Variants in TAFA1 observed in about 807,000 individuals in gnomAD.
The protein encoded by TAFA1 is TAFA chemokine like family member 1.
A neutral mutation model predicts 18.5 loss-of-function variants in TAFA1; 4 were observed. That is an observed-to-expected ratio of 0.22 (90% CI 0.11 to 0.49). The LOEUF (loss-of-function observed/expected upper bound fraction) is 0.49, where lower values mean the gene tolerates loss of function less well. Ranked by LOEUF, TAFA1 falls within the 20% of genes least tolerant of loss-of-function variation. TAFA1 has a pLI of 0.98. For synonymous variants in TAFA1, 56 were observed against 55.2 expected, an observed-to-expected ratio of 1.01 and a Z score of -0.06; for missense variants, 147 against 169.0, an observed-to-expected ratio of 0.87 and a Z score of 0.72.
intron 2 of TAFA1, among the ~76,000 whole-genome samples, chr3:68,414,621 C>T (rs1029786648): frequency 1.3e-5 from 2 of 152,170 alleles, no homozygotes; most frequent in East Asian, 3.9e-4. Context: ...GCATCCAGCA[C>T]CCAAATCAGA....
At chr3:68,508,522 A>G (rs547656794) in intron 3 of TAFA1, among the ~76,000 whole-genome samples, 2 of 152,090 alleles carry the variant, frequency 1.3e-5, no homozygotes, top group African/African-American at 4.8e-5. Flanking sequence ...AAGGTCAAGC[A>G]TCTTTTCCAG....
intron 2 of TAFA1, chr3:68,145,050 T>C (rs2065720136): frequency 6.2e-7 from 1 of 1,607,982 alleles, no homozygotes. Context: ...TTCAAAAAGT[T>C]GCTGGATCAG....
At chr3:68,098,255 C>T (rs2065110153) in intron 2 of TAFA1, among the ~76,000 whole-genome samples, 2 of 148,018 alleles carry the variant, frequency 1.4e-5, no homozygotes, top group South Asian at 2.1e-4. Flanking sequence ...TAAGGTGTGA[C>T]TGTTTTTTTT....
At chr3:67,991,690 C>T in the TAFA1 span, among the ~76,000 whole-genome samples, 1 of 152,344 alleles carries the variant, frequency 6.6e-6, no homozygotes, top group Middle Eastern at 3.4e-3. Flanking sequence ...AGACTTACAC[C>T]ATCAGCTTCC....
intron 2 of TAFA1, among the ~76,000 whole-genome samples, chr3:68,261,460 G>A (rs2131041): frequency 0.089 from 13,595 of 152,114 alleles, 913 homozygotes; most frequent in Admixed American, 0.25. Context: ...AAAGATACAT[G>A]CACATGTATG....
intron 2 of TAFA1, among the ~76,000 whole-genome samples, chr3:68,283,879 C>T (rs2067947973): frequency 1.3e-5 from 2 of 152,120 alleles, no homozygotes; most frequent in Non-Finnish European, 1.5e-5. Context: ...TAGTTGAATC[C>T]TCCTGGATAA....
At chr3:68,003,317 C>T (rs1704304988), upstream of TAFA1, among the ~76,000 whole-genome samples, 1 of 152,142 alleles carries the variant, frequency 6.6e-6, no homozygotes, top group South Asian at 2.1e-4. Context: ...CTCTGAAAGG[C>T]AAGAGAGTAT....
At chr3:68,329,358 G>A (rs998720870) in intron 2 of TAFA1, among the ~76,000 whole-genome samples, 4 of 151,440 alleles carry the variant, frequency 2.6e-5, no homozygotes, top group African/African-American at 4.9e-5. Flanking sequence ...GAGCCACAGC[G>A]CCCAGCCACT....
intron 3 of TAFA1, among the ~76,000 whole-genome samples, chr3:68,418,634 T>A (rs1484035245): frequency 7.4e-6 from 1 of 135,570 alleles, no homozygotes; most frequent in African/African-American, 2.8e-5. Context: ...GGGCTCGGGC[T>A]CAGAGGCCTG....
intron 2 of TAFA1, among the ~76,000 whole-genome samples, chr3:68,309,025 C>T (rs906161712): frequency 2.0e-5 from 3 of 152,112 alleles, no homozygotes; most frequent in Non-Finnish European, 4.4e-5. Flanking sequence ...GAAACCTTAC[C>T]CTTGATCTGG....
intron 2 of TAFA1, among the ~76,000 whole-genome samples, chr3:68,380,962 G>T (rs975466641): frequency 4.0e-5 from 6 of 149,558 alleles, no homozygotes; most frequent in Admixed American, 6.7e-5. Flanking sequence ...TGTAAGGAAG[G>T]GATCCAGTTT....
intron 3 of TAFA1, among the ~76,000 whole-genome samples, chr3:68,505,821 G>C (rs2072739851): frequency 6.6e-6 from 1 of 151,990 alleles, no homozygotes; most frequent in Non-Finnish European, 1.5e-5. Flanking sequence ...TACCAAGAAG[G>C]AGTCTTATAC....
chr3:68,293,684 C>G (rs1346296330), intron 2 of TAFA1, among the ~76,000 whole-genome samples: 1 of 152,148 alleles, frequency 6.6e-6, no homozygotes, highest in Non-Finnish European at 1.5e-5. Flanking sequence ...AGCTATTGTT[C>G]TCTTCATAAC....
intron 2 of TAFA1, among the ~76,000 whole-genome samples, chr3:68,240,867 T>C (rs1036557314): frequency 2.0e-5 from 3 of 152,192 alleles, no homozygotes; most frequent in Admixed American, 1.3e-4. Context: ...GTCTAGGCTT[T>C]GCTGTACAGA....
intron 2 of TAFA1, among the ~76,000 whole-genome samples, chr3:68,048,538 A>G (rs2064422922): frequency 6.6e-6 from 1 of 152,056 alleles, no homozygotes; most frequent in South Asian, 2.1e-4. Flanking sequence ...ATCAAACACT[A>G]GATCTTATTC....
intron 2 of TAFA1, among the ~76,000 whole-genome samples, chr3:68,355,123 C>T (rs1425133251): frequency 1.3e-5 from 2 of 151,898 alleles, no homozygotes; most frequent in Non-Finnish European, 2.9e-5. Context: ...GGTAGCCAGA[C>T]CAGAGTTCTG....
intron 2 of TAFA1, among the ~76,000 whole-genome samples, chr3:68,214,224 T>A (rs1408120351): frequency 6.6e-6 from 1 of 152,120 alleles, no homozygotes; most frequent in East Asian, 1.9e-4. Flanking sequence ...GTCCTTTTCA[T>A]GCTTTCTAGT....
At chr3:68,238,809 A>G (rs934801639) in intron 2 of TAFA1, among the ~76,000 whole-genome samples, 10 of 152,166 alleles carry the variant, frequency 6.6e-5, no homozygotes. Context: ...TATATAAGAG[A>G]ACATTTACAC....
At chr3:68,374,301 T>C (rs1042576258) in intron 2 of TAFA1, among the ~76,000 whole-genome samples, 1 of 152,128 alleles carries the variant, frequency 6.6e-6, no homozygotes, top group East Asian at 1.9e-4. Flanking sequence ...TTTATAAACA[T>C]GATCATACTT....
Sources: allele counts gnomAD v4.1 joint callset (sites outside exome capture counted in the v4.1 genomes callset), GRCh38; gene constraint gnomAD v4.1.1; transcripts MANE v1.5; gene names NCBI Gene and HGNC (gene_info 2026-07-23, HGNC 2026-07-21).